Variants in TRPV1 observed in about 807,000 individuals in gnomAD.
TRPV1 encodes OTRPC1.
Under a neutral mutation model 82.3 loss-of-function variants are expected in TRPV1, and 82 were observed. That is an observed-to-expected ratio of 1.00 (90% CI 0.83 to 1.20). The LOEUF is 1.20. TRPV1 is among the 50% of genes most tolerant of loss of function. The pLI is 0.00. For missense variants in TRPV1, 1,067 were observed against 1,096.8 expected (o/e 0.97, Z 0.38); for synonymous variants, 515 against 467.7 (o/e 1.10, Z -1.30).
chr17:3,580,396 A>G, intron 11 of TRPV1, 61 bp downstream of exon 11: 6 of 1,579,466 alleles, frequency 3.8e-6, no homozygotes, highest in Non-Finnish European at 5.2e-6. Flanking sequence ...TGAGACCTCA[A>G]GTGAGAACTG....
rs776049064 is a variant in TRPV1 at position 3,573,973 on chromosome 17, G to A, written c.1781-18C>T. 3.6e-5 allele frequency: 56 copies of A among 1,572,178 alleles called. No individual in the cohort carries two copies. Among genetic ancestry groups the A allele is most frequent in the Non-Finnish European group, 4.7e-5 (55 of 1,161,942 alleles). The stretch of plus-strand genomic sequence containing the variant: ...CACCACCGCTACAGGGCACAGGGAG[G>A]GCGGGGTGCCACTGGATAGAAGCCA... On this transcript the variant is annotated intron_variant, in intron 13 of 16. Transcript: ENST00000572705.
chr17:3,577,385 G>A (rs2074947472), intron 12 of TRPV1, among the ~76,000 whole-genome samples, 193 bp from the exon 13 acceptor site: 1 of 152,202 alleles, frequency 6.6e-6, no homozygotes, highest in East Asian at 1.9e-4. Flanking sequence ...GGGAGATGGA[G>A]GCCTGGTGTG....
At chr17:3,587,153 CTTG>C (rs937809179) in intron 8 of TRPV1, among the ~76,000 whole-genome samples, 2 of 152,188 alleles carry the variant, frequency 1.3e-5, no homozygotes, top group Non-Finnish European at 2.9e-5. Flanking sequence ...TACTGCAGTC[CTTG>C]TTGAGGCCAC....
rs1490719514 is a variant in TRPV1, at chr17:3,577,598, C to T, written c.1713G>A (p.Lys571=). 6.4e-7 allele frequency: 1 copy of T among 1,573,172 alleles called. No individual in the cohort carries two copies. Among genetic ancestry groups the T allele is most frequent in the Admixed American group, 1.9e-5 (1 of 53,584 alleles). ...ACCCACTGGGGCCCAGGGAACCCAC[C>T]TTCTCTATCATGACGGCATAGATGC... ...QMGIYAVMIE[K]MILRDLCRFM... The change falls in exon 12 of 17, where the codon AAG becomes AAA. Residue 571 remains lysine (K), a splice_region_variant and synonymous_variant. Coordinates refer to ENST00000572705, the MANE Select transcript of TRPV1 (RefSeq NM_080704.4).
At chr17:3,591,395 C>G in intron 3 of TRPV1, 42 bp from the exon 4 acceptor site, 1 of 1,527,694 alleles carries the variant, frequency 6.5e-7, no homozygotes, top group Non-Finnish European at 8.8e-7. Context: ...CCTGGCCTCC[C>G]CTCGGCCCTG....
At chr17:3,570,838 C>T (rs1264692770) in intron 16 of TRPV1, among the ~76,000 whole-genome samples, 3 of 152,074 alleles carry the variant, frequency 2.0e-5, no homozygotes, top group Non-Finnish European at 1.5e-5. Flanking sequence ...TTCAGCCTCC[C>T]GAGTAGCTGG....
chr17:3,588,453 C>A (rs2075111561), intron 7 of TRPV1, 86 bp from the exon 8 acceptor site: 1 of 1,453,066 alleles, frequency 6.9e-7, no homozygotes, highest in South Asian at 1.3e-5. Context: ...TGCTTCCCAG[C>A]CCAGCTGGTG....
At chr17:3,597,295 A>G (rs1217778146) in intron 2 of TRPV1, among the ~76,000 whole-genome samples, 1 of 152,182 alleles carries the variant, frequency 6.6e-6, no homozygotes, top group Admixed American at 6.5e-5. Context: ...GCTCTCAGGA[A>G]AGGAGGGCGC....
chr17:3,601,663 CAT>C (rs1325552133), intron 2 of TRPV1: 1 of 151,912 alleles, frequency 6.6e-6, no homozygotes, highest in Non-Finnish European at 1.5e-5. Flanking sequence ...GACTCACAAT[CAT>C]AGCTCACTGC....
chr17:3,567,203 C>CA (rs1377863255), intron 16 of TRPV1, among the ~76,000 whole-genome samples: 3,665 of 105,130 alleles, frequency 0.035, 47 homozygotes, highest in African/African-American at 0.05. Context: ...ACTAAAAATA[C>CA]AAAAAAAAAA....
At chr17:3,601,351 TC>T (rs2075261487) in intron 2 of TRPV1, among the ~76,000 whole-genome samples, 1 of 150,494 alleles carries the variant, frequency 6.6e-6, no homozygotes. Context: ...CTCTCAGGGG[TC>T]CCCACTGCTG....
In TRPV1 at chr17:3,572,190, G is replaced by T. The variant is rs759867252; in HGVS notation, c.2163C>A (p.Phe721Leu). 1.9e-6 allele frequency: 3 copies of T among 1,613,206 alleles called. No individual in the cohort carries two copies. The highest frequency in any genetic ancestry group is 1.7e-6 in the Non-Finnish European group (2 of 1,179,582). ...CCACCTGCAGCAGCTTGCCTGAGCG[G>T]AAGGCCTTCCTCATGCACTTAAGGA... ...KSFLKCMRKA[F>L]RSGKLLQVGY... Residue 721 changes from phenylalanine to leucine, a missense_variant, in exon 15 of 17, where the codon TTC (phenylalanine) becomes TTA (leucine). Transcript: ENST00000572705.
intron 11 of TRPV1, among the ~76,000 whole-genome samples, chr17:3,579,339 C>T (rs1026711990): frequency 2.6e-5 from 4 of 152,048 alleles, no homozygotes; most frequent in African/African-American, 9.7e-5. Flanking sequence ...CTTGTTCTTC[C>T]AGGAAGGAAG....
chr17:3,599,376 T>G (rs1361064826), intron 2 of TRPV1, among the ~76,000 whole-genome samples: 2 of 152,196 alleles, frequency 1.3e-5, no homozygotes, highest in Admixed American at 1.3e-4. Context: ...GCATCATCCA[T>G]GCACAGAACT....
chr17:3,589,713 G>C, intron 7 of TRPV1, 94 bp downstream of exon 7: 1 of 1,424,670 alleles, frequency 7.0e-7, no homozygotes. Context: ...CGCACACACA[G>C]ATAGCGACGC....
chr17:3,572,364 G>A lies in TRPV1; in HGVS notation c.2104-115C>T, dbSNP rs1024013141. On this transcript the variant is annotated intron_variant, in intron 14 of 16. Coordinates refer to ENST00000572705, the MANE Select transcript of TRPV1 (RefSeq NM_080704.4). ...CTCTCCCAGGCCTAGATGCCTCCAG[G>A]GTGGTTGTCCAGTGCCCTCCACGCT... 3.0e-6 allele frequency: 4 copies of A among 1,350,258 alleles called. No individual in the cohort carries two copies. In the African/African-American group the frequency reaches 4.3e-5, roughly 15 times the overall value. 83.6% of individuals were successfully genotyped at this position (1,350,258 alleles called of 1,614,324 possible).
rs1170987926 is a variant in TRPV1 at position 3,592,368 on chromosome 17, T to TG, written c.-19dup. On this transcript the variant is annotated 5_prime_UTR_variant, in exon 3 of 17. Transcript: ENST00000572705. Reference sequence around the variant, plus strand: ...TTCTTCATCCTTGCTGGATCCTCTGTGGCCCAGTGTGCAACCTGCAGCAGC... The same window carrying TG: ...TTCTTCATCCTTGCTGGATCCTCTGTGGGCCCAGTGTGCAACCTGCAGCAGC... The TG allele has an allele frequency of 6.3e-7, 1 of 1,574,874 alleles. No homozygotes were observed. Among genetic ancestry groups the TG allele is most frequent in the Admixed American group, 1.8e-5 (1 of 54,618 alleles).
chr17:3,590,398 G>C lies in TRPV1; in HGVS notation c.605-6C>G. ...GATGTGCAGTGCTGTCTGGCCTACA[G>C]AGGACGCGCACGGTTGGCTTCGTGG... is the stretch of plus-strand genomic sequence containing the variant. On this transcript the variant is annotated splice_polypyrimidine_tract_variant and splice_region_variant and intron_variant, in intron 5 of 16. Transcript: ENST00000572705. 6.2e-7 allele frequency: 1 copy of C among 1,613,386 alleles called. No individual in the cohort carries two copies. The highest frequency in any genetic ancestry group is 8.5e-7 in the Non-Finnish European group (1 of 1,179,736).
rs1391024854 is a variant in TRPV1, at chr17:3,577,639, C to T, written c.1672G>A (p.Gly558Ser). 1.9e-6 allele frequency: 3 copies of T among 1,584,362 alleles called. No homozygotes were observed. The highest frequency in any genetic ancestry group is 2.3e-5 in the South Asian group (2 of 86,374). The change falls in exon 12 of 17, where the codon GGT becomes AGT. Residue 558 changes from glycine to serine, a missense_variant. Coordinates refer to ENST00000572705, the MANE Select transcript of TRPV1 (RefSeq NM_080704.4). The part of the protein sequence containing the change: ...GWTNMLYYTR[G>S]FQQMGIYAVM... ...GCATAGATGCCCATCTGCTGGAAAC[C>T]GCGGGTGTAGTAGAGCATGTTGGTC...
Sources: allele counts gnomAD v4.1 joint callset (sites outside exome capture counted in the v4.1 genomes callset), GRCh38; gene constraint gnomAD v4.1.1; transcripts MANE v1.5; gene names NCBI Gene and HGNC (gene_info 2026-07-23, HGNC 2026-07-21).